Variants in CCNB1IP1 observed in about 807,000 individuals in gnomAD.
CCNB1IP1 encodes cyclin B1 interacting protein 1.
In CCNB1IP1, 14 loss-of-function variants were observed where a neutral mutation model predicts 25.6. The observed-to-expected ratio is 0.55, with a 90% CI of 0.36 to 0.85. CCNB1IP1 has a LOEUF of 0.85. Among genes scored for constraint, CCNB1IP1 ranks in the 40% least tolerant of loss-of-function variants. The pLI is 0.01. For missense variants in CCNB1IP1, 278 were observed against 342.4 expected (o/e 0.81, Z 1.48); for synonymous variants, 119 against 116.1 (o/e 1.02, Z -0.16).
intron 1 of CCNB1IP1, among the ~76,000 whole-genome samples, chr14:20,329,729 G>A (rs1368475435): frequency 1.2e-4 from 18 of 152,152 alleles, no homozygotes; most frequent in Admixed American, 1.2e-3. Context: ...TTATATGGTA[G>A]TTCTATTTTT....
chr14:20,328,663 T>G (rs1351679018), intron 2 of CCNB1IP1, among the ~76,000 whole-genome samples: 3 of 152,114 alleles, frequency 2.0e-5, no homozygotes, highest in Non-Finnish European at 4.4e-5. Context: ...AGGAACAACT[T>G]CTCTATTAAT....
intron 1 of CCNB1IP1, among the ~76,000 whole-genome samples, chr14:20,330,116 A>C (rs1210955645): frequency 8.0e-6 from 1 of 125,046 alleles, no homozygotes; most frequent in Non-Finnish European, 1.6e-5. Context: ...AAAAAAAAAA[A>C]AACAAAAAAC....
At chr14:20,333,143 C>G (rs1883303338) in intron 1 of CCNB1IP1, 111 bp downstream of exon 1, 2 of 152,260 alleles carry the variant, frequency 1.3e-5, no homozygotes, top group Non-Finnish European at 2.9e-5. Context: ...CTCCTTGCGA[C>G]TCACACACAC....
At chr14:20,315,780 C>A in intron 5 of CCNB1IP1, 2 of 1,256,392 alleles carry the variant, frequency 1.6e-6, no homozygotes, top group Non-Finnish European at 2.1e-6. Flanking sequence ...GATATTCATA[C>A]CAAGTGAAGC....
At position 20,317,175 on chromosome 14, in the gene CCNB1IP1, C is replaced by A. The variant is rs567937453; in HGVS notation, c.-37-615G>T. On this transcript the variant is annotated intron_variant, in intron 4 of 6. Transcript: ENST00000358932. ...TGTATAATTCCAGCACCTTAGGAGG[C>A]CAAGGCGGGCGGATCACGAGGTCAG... Among the ~76,000 whole-genome samples the A allele has an allele frequency of 2.0e-5, 3 of 151,984 alleles. No individual in the cohort carries two copies. The East Asian group carries it at 5.8e-4, about 29-fold the overall frequency.
rs547343120 is a variant in CCNB1IP1, at chr14:20,324,514, T to C, written c.-38+1025A>G. On this transcript the variant is annotated intron_variant, in intron 4 of 6. Transcript: ENST00000358932. ...ACAAAGAATTTTCGTCAATCTATTA[T>C]GCAGATGTCAAAAATTGCCAGGTAG... Among the ~76,000 whole-genome samples the C allele has an allele frequency of 2.9e-4, 44 of 152,250 alleles. No homozygotes were observed. The South Asian group carries it at 8.5e-3, about 29-fold the overall frequency.
chr14:20,330,121 A>C (rs1454870189), intron 1 of CCNB1IP1, among the ~76,000 whole-genome samples: 5 of 147,004 alleles, frequency 3.4e-5, no homozygotes, highest in Non-Finnish European at 7.4e-5. Flanking sequence ...AAAAAAAACA[A>C]AAAACATGTC....
rs567198252 is a variant in CCNB1IP1, at chr14:20,332,241, G to A, written c.-431+1013C>T. Among the ~76,000 whole-genome samples the A allele has an allele frequency of 2.0e-5, 3 of 151,650 alleles. No homozygotes were observed. The South Asian group carries it at 6.3e-4, about 32-fold the overall frequency. On this transcript the variant is annotated intron_variant, in intron 1 of 6. Transcript: ENST00000358932. ...TGCTTGAGAATTATAAAAATTATGG[G>A]AGGCCTACAAATACCTATTACTACA...
intron 2 of CCNB1IP1, among the ~76,000 whole-genome samples, chr14:20,328,597 T>TAA (rs201954360): frequency 1.3e-5 from 2 of 148,682 alleles, no homozygotes; most frequent in South Asian, 2.1e-4. Flanking sequence ...AAAAGGAAAT[T>TAA]AAAAAAAAAA....
chr14:20,312,670 T>C (rs1882538699), intron 6 of CCNB1IP1, among the ~76,000 whole-genome samples: 1 of 151,886 alleles, frequency 6.6e-6, no homozygotes, highest in Non-Finnish European at 1.5e-5. Context: ...TAGATTTTGT[T>C]GCATAAAGAG....
intron 1 of CCNB1IP1, among the ~76,000 whole-genome samples, chr14:20,331,768 CACTCT>C (rs1194599600): frequency 1.1e-4 from 17 of 151,324 alleles, no homozygotes; most frequent in Admixed American, 6.6e-4. Flanking sequence ...AGAATGTGAA[CACTCT>C]ACTCATGGAA....
rs1420737333 is a variant in CCNB1IP1, at chr14:20,311,534, T to C, written c.*16A>G. On this transcript the variant is annotated 3_prime_UTR_variant, in exon 7 of 7. Transcript: ENST00000358932. ...CTAAGTAGCTGGGATCACAGGTGCG[T>C]GACACTATGCGTGGCTCAAATTCTT... is the stretch of plus-strand genomic sequence containing the variant. The C allele has an allele frequency of 1.2e-6, 2 of 1,608,936 alleles. No homozygotes were observed. The highest frequency in any genetic ancestry group is 1.7e-6 in the Non-Finnish European group (2 of 1,177,014).
intron 6 of CCNB1IP1, among the ~76,000 whole-genome samples, chr14:20,313,164 C>T (rs980546952): frequency 3.3e-5 from 5 of 152,094 alleles, no homozygotes; most frequent in Non-Finnish European, 7.3e-5. Context: ...ACTTAGGAAT[C>T]AATAAATGAC....
At chr14:20,325,393 C>A (rs1233014967) in intron 4 of CCNB1IP1, 146 bp downstream of exon 4, 32 of 143,932 alleles carry the variant, frequency 2.2e-4, no homozygotes, top group African/African-American at 8.2e-4. Context: ...TGCACTCCAG[C>A]CTGGGCGACA....
At chr14:20,312,395 T>C (rs1037209504) in intron 6 of CCNB1IP1, among the ~76,000 whole-genome samples, 4 of 152,040 alleles carry the variant, frequency 2.6e-5, no homozygotes, top group Non-Finnish European at 1.5e-5. Context: ...CCTTTTTTTT[T>C]TGTAGAGACA....
chr14:20,313,315 T>C (rs886572012), intron 6 of CCNB1IP1, among the ~76,000 whole-genome samples, 153 bp downstream of exon 6: 1 of 152,228 alleles, frequency 6.6e-6, no homozygotes, highest in Non-Finnish European at 1.5e-5. Flanking sequence ...AGCAATGATG[T>C]ACAGGTTGAA....
intron 1 of CCNB1IP1, among the ~76,000 whole-genome samples, chr14:20,329,582 T>C (rs1883175955): frequency 1.3e-5 from 2 of 152,228 alleles, no homozygotes; most frequent in South Asian, 4.1e-4. Flanking sequence ...CTTTATCCAT[T>C]CATCCGTTGA....
rs145153100 is a variant in CCNB1IP1 at position 20,320,656 on chromosome 14, T to C, written c.-37-4096A>G. On this transcript the variant is annotated intron_variant, in intron 4 of 6. Coordinates refer to ENST00000358932, the MANE Select transcript of CCNB1IP1 (RefSeq NM_021178.5). The stretch of plus-strand genomic sequence containing the variant: ...CCATCTCTACAAAAAAACACAAAAA[T>C]TAGCTGGATGTGGTGGCAGGCACCT... 6.8e-3 allele frequency among the ~76,000 whole-genome samples: 1,024 copies of C among 151,114 alleles called. 16 individuals carry two copies. The highest frequency in any genetic ancestry group is 0.024 in the African/African-American group (972 of 41,126).
rs1490631128 is a variant in CCNB1IP1, at chr14:20,316,503, C to T, written c.21G>A (p.Met7Ile). The T allele has an allele frequency of 1.9e-6, 3 of 1,608,198 alleles. No individual in the cohort carries two copies. Among genetic ancestry groups the T allele is most frequent in the East Asian group, 4.5e-5 (2 of 44,872 alleles). The change falls in exon 5 of 7, where the codon ATG (methionine) becomes ATA (isoleucine). Residue 7 changes from methionine (M) to isoleucine (I), a missense_variant. By Grantham distance (10) the Met-to-Ile change is conservative. Transcript: ENST00000358932. ...GACACTTTCGATAATTACAAAGCAG[C>T]ATGTCTTCACACAAAGACATAATAG... The part of the protein sequence containing the change: MSLCED[M>I]LLCNYRKCRI...
Sources: gnomAD v4.1 joint callset for allele counts (sites outside exome capture counted in the v4.1 genomes callset) on GRCh38, gnomAD v4.1.1 for gene constraint, MANE v1.5 for transcripts, NCBI Gene and HGNC (gene_info 2026-07-23, HGNC 2026-07-21) for gene names.